SLC1A2: variants seen among roughly 807,000 people sequenced by gnomAD.
SLC1A2 encodes the protein solute carrier family 1 member 2.
In SLC1A2, 15 loss-of-function variants were observed where a neutral mutation model predicts 48.8. That is an observed-to-expected ratio of 0.31 (90% confidence interval 0.21 to 0.47). The LOEUF (loss-of-function observed/expected upper bound fraction) is 0.47, where lower values mean the gene tolerates loss of function less well. SLC1A2 is among the 20% of genes least tolerant of loss of function. SLC1A2 has a pLI of 0.99. For missense variants in SLC1A2, 502 were observed against 730.5 expected (o/e 0.69, Z 3.61); for synonymous variants, 279 against 272.6 (o/e 1.02, Z -0.23).
chr11:35,296,014 A>G (rs1418222670), intron 6 of SLC1A2, among the ~76,000 whole-genome samples: 1 of 152,222 alleles, frequency 6.6e-6, no homozygotes, highest in Non-Finnish European at 1.5e-5. Flanking sequence ...ATTTTAAACA[A>G]GCTCCCCAGG....
At chr11:35,390,352 T>C (rs1854724954) in intron 1 of SLC1A2, among the ~76,000 whole-genome samples, 1 of 152,182 alleles carries the variant, frequency 6.6e-6, no homozygotes, top group Admixed American at 6.5e-5. Context: ...TTCCTACATG[T>C]AGTGTACCCT....
chr11:35,391,876 A>G (rs1211315705), intron 1 of SLC1A2, among the ~76,000 whole-genome samples: 2 of 152,180 alleles, frequency 1.3e-5, no homozygotes, highest in Non-Finnish European at 1.5e-5. Flanking sequence ...CTGGATATCC[A>G]AAGTCACTTT....
intron 1 of SLC1A2, among the ~76,000 whole-genome samples, chr11:35,362,165 C>T (rs1853704685): frequency 6.6e-6 from 1 of 152,138 alleles, no homozygotes; most frequent in Admixed American, 6.5e-5. Context: ...ACAGCAGATG[C>T]CCAAGATGTT....
chr11:35,323,603 G>A (rs1177914350), intron 1 of SLC1A2, among the ~76,000 whole-genome samples: 1 of 152,166 alleles, frequency 6.6e-6, no homozygotes, highest in African/African-American at 2.4e-5. Flanking sequence ...TAGAGATGTG[G>A]ATTCCATTCT....
At chr11:35,368,323 A>G (rs998536418) in intron 1 of SLC1A2, among the ~76,000 whole-genome samples, 5 of 152,184 alleles carry the variant, frequency 3.3e-5, no homozygotes, top group African/African-American at 1.2e-4. Context: ...GTCCTGCTTT[A>G]CCACTTCCTA....
chr11:35,292,511 G>A lies in SLC1A2; in HGVS notation c.867C>T (p.Pro289=), dbSNP rs140239182. The A allele has an allele frequency of 1.7e-5, 27 of 1,610,486 alleles. No homozygotes were observed. Among genetic ancestry groups the A allele is most frequent in the Non-Finnish European group, 2.0e-5 (23 of 1,177,484 alleles). Residue 289 remains proline (P), a synonymous_variant, in exon 7 of 11, where the codon CCC becomes CCT. Transcript: ENST00000278379. ...KLVIMIMWYS[P]LGIACLICGK... is the part of the protein sequence containing the mutation. ...CACAGATCAGGCAGGCGATACCCAG[G>A]GGAGAGTACCTGAAAAACACAAAAG...
intron 9 of SLC1A2, among the ~76,000 whole-genome samples, chr11:35,278,495 T>C (rs1426144464): frequency 6.6e-6 from 1 of 151,840 alleles, no homozygotes; most frequent in Non-Finnish European, 1.5e-5. Flanking sequence ...TTCAGGCTGG[T>C]CTTGAACTCC....
intron 1 of SLC1A2, among the ~76,000 whole-genome samples, chr11:35,320,341 C>T (rs1354607499): frequency 1.3e-5 from 2 of 152,172 alleles, no homozygotes; most frequent in African/African-American, 4.8e-5. Context: ...AGAGCCTTTA[C>T]TCAGAGAGGA....
intron 1 of SLC1A2, among the ~76,000 whole-genome samples, chr11:35,386,439 T>C (rs1352297343): frequency 6.6e-6 from 1 of 152,196 alleles, no homozygotes; most frequent in Middle Eastern, 3.2e-3. Flanking sequence ...TTCAGGGATG[T>C]CAGTGTACAT....
chr11:35,308,191 C>T (rs529663926), intron 4 of SLC1A2, among the ~76,000 whole-genome samples: 1 of 152,322 alleles, frequency 6.6e-6, no homozygotes, highest in South Asian at 2.1e-4. Flanking sequence ...ATTTTACATC[C>T]ATTACGTCTT....
At chr11:35,360,263 T>A in intron 1 of SLC1A2, 1 of 161,458 alleles carries the variant, frequency 6.2e-6, no homozygotes, top group Non-Finnish European at 1.3e-5. Flanking sequence ...ATTGTGTAAT[T>A]ATGGGAGTTA....
chr11:35,397,361 C>G (rs56396603), intron 1 of SLC1A2, among the ~76,000 whole-genome samples: 29 of 142,174 alleles, frequency 2.0e-4, no homozygotes, highest in Non-Finnish European at 3.7e-4. Context: ...ACAGAGCCCT[C>G]AGAAATAACG....
intron 1 of SLC1A2, among the ~76,000 whole-genome samples, chr11:35,359,144 T>G (rs569927642): frequency 6.6e-6 from 1 of 152,188 alleles, no homozygotes; most frequent in Admixed American, 6.5e-5. Flanking sequence ...CACTTGCTAG[T>G]GGAAATACAG....
At chr11:35,334,769 T>C (rs150501408) in intron 1 of SLC1A2, among the ~76,000 whole-genome samples, 18 of 152,188 alleles carry the variant, frequency 1.2e-4, no homozygotes, top group African/African-American at 4.3e-4. Context: ...GATGTGAAGA[T>C]TTGGTGAGTT....
At chr11:35,391,030 A>T (rs1458170033) in intron 1 of SLC1A2, 2 of 152,180 alleles carry the variant, frequency 1.3e-5, no homozygotes, top group Non-Finnish European at 1.5e-5. Flanking sequence ...GGCTACAAGA[A>T]AATCTAGTAT....
At chr11:35,290,896 C>T (rs1453971646) in intron 7 of SLC1A2, among the ~76,000 whole-genome samples, 1 of 152,132 alleles carries the variant, frequency 6.6e-6, no homozygotes, top group Non-Finnish European at 1.5e-5. Context: ...ACTCCATTTT[C>T]TACTAGCACT....
intron 9 of SLC1A2, among the ~76,000 whole-genome samples, chr11:35,273,693 T>A (rs552902155): frequency 6.6e-6 from 1 of 152,324 alleles, no homozygotes; most frequent in Admixed American, 6.5e-5. Flanking sequence ...CTTGACCCCA[T>A]TACTAGACTA....
At chr11:35,326,595 T>A (rs942659850) in intron 1 of SLC1A2, among the ~76,000 whole-genome samples, 1 of 152,242 alleles carries the variant, frequency 6.6e-6, no homozygotes, top group South Asian at 2.1e-4. Flanking sequence ...TGTCTCTTTT[T>A]TCTTCCTTCT....
Position 35,260,570 on chromosome 11 carries a change from A to C in SLC1A2, c.*324T>G. ...TGCTTTACTCATGTCCCCTGGGAAA[A>C]GAGCATCCACATTTCTGCATCTTGG... On this transcript the variant is annotated 3_prime_UTR_variant, in exon 11 of 11. Transcript: ENST00000278379. The C allele has an allele frequency of 3.1e-6, 1 of 325,302 alleles. No homozygotes were observed. The highest frequency in any genetic ancestry group is 5.8e-6 in the Non-Finnish European group (1 of 172,874). 20.2% of individuals were successfully genotyped at this position (325,302 alleles called of 1,614,324 possible).
Sources: allele counts gnomAD v4.1 joint callset (sites outside exome capture counted in the v4.1 genomes callset), GRCh38; gene constraint gnomAD v4.1.1; transcripts MANE v1.5; gene names NCBI Gene and HGNC (gene_info 2026-07-23, HGNC 2026-07-21).